KBTBD4: variants seen among roughly 807,000 people sequenced by gnomAD.
KBTBD4 encodes the protein kelch repeat and BTB domain containing 4.
Under a neutral mutation model 43.9 loss-of-function variants are expected in KBTBD4, and 30 were observed. The observed-to-expected ratio is 0.68, with a 90% CI of 0.51 to 0.93. The LOEUF is 0.93. Ranked by LOEUF, KBTBD4 falls within the 40% of genes least tolerant of loss-of-function variation. KBTBD4 has a pLI of 0.00. For synonymous variants in KBTBD4, 258 were observed against 256.9 expected (o/e 1.00, Z -0.04); for missense variants, 575 against 668.8 (o/e 0.86, Z 1.55).
At position 47,573,538 on chromosome 11, in the gene KBTBD4, C is replaced by T; in HGVS notation, c.997G>A (p.Asp333Asn). The T allele has an allele frequency of 6.2e-7, 1 of 1,614,196 alleles. No homozygotes were observed. The highest frequency in any genetic ancestry group is 1.1e-5 in the South Asian group (1 of 91,086). ...DWEWCAPLPRDRLQHTLVSVP... is the reference protein window; with the variant it reads ...DWEWCAPLPRNRLQHTLVSVP... Reference sequence around the variant, plus strand: ...GACACCAGGGTGTGCTGGAGCCGGTCCCGAGGCAAAGGAGCACACCACTCC... The same window carrying T: ...GACACCAGGGTGTGCTGGAGCCGGTTCCGAGGCAAAGGAGCACACCACTCC... The change falls in exon 4 of 4, where the codon GAC becomes AAC. Residue 333 changes from aspartate (D) to asparagine (N), a missense_variant. Transcript: ENST00000430070. The surrounding 1 kb of genome is among the most constrained non-coding windows in gnomAD (Gnocchi z 4.1).
At position 47,575,590 on chromosome 11, in the gene KBTBD4, T is replaced by C; in HGVS notation, c.744+3A>G. 1 of 1,591,498 alleles carries C rather than the reference T, an allele frequency of 6.3e-7. No homozygotes were observed. The highest frequency in any genetic ancestry group is 1.7e-5 in the Admixed American group (1 of 59,764). The stretch of plus-strand genomic sequence containing the variant: ...GTCTCAACAATTAAGAGATTTGCCT[T>C]ACCTTCAAGCTTGTCCTGAGTGACT... On this transcript the variant is annotated splice_donor_region_variant and intron_variant, in intron 3 of 3. Coordinates refer to ENST00000430070, the MANE Select transcript of KBTBD4 (RefSeq NM_018095.6).
rs1028635603 is a variant in KBTBD4 at position 47,572,311 on chromosome 11, C to G, written c.*619G>C. ...GATTGAAAAAGTTTCTGCTATTAAT[C>G]AGAAATAATCATTTCTATTTTCTGG... On this transcript the variant is annotated 3_prime_UTR_variant, in exon 4 of 4. Transcript: ENST00000430070. 6.5e-6 allele frequency: 1 copy of G among 152,836 alleles called. No homozygotes were observed. Among genetic ancestry groups the G allele is most frequent in the African/African-American group, 2.4e-5 (1 of 41,450 alleles). The allele number at this position is 152,836 out of a possible 1,614,324, so 9.5% of individuals were successfully genotyped here. A position where few individuals can be genotyped will look rare whatever the true frequency, so the allele number is the denominator to read the frequency against.
rs141789929 is a variant in KBTBD4, at chr11:47,577,138, T to TA, written c.637+272dup. On this transcript the variant is annotated intron_variant, in intron 2 of 3. Transcript: ENST00000430070. Reference sequence around the variant, plus strand: ...GGGACATACGAAGTACAGGATAAATTAGAGTATAATACAAATCACTCCTCA... The same window carrying TA: ...GGGACATACGAAGTACAGGATAAATTAAGAGTATAATACAAATCACTCCTCA... Among the ~76,000 whole-genome samples, 709 of 152,292 alleles carry TA rather than the reference T, an allele frequency of 4.7e-3. 11 individuals carry two copies. Among genetic ancestry groups the TA allele is most frequent in the African/African-American group, 0.016 (678 of 41,560 alleles).
At position 47,572,731 on chromosome 11, in the gene KBTBD4, G is replaced by A. The variant is rs2097251390; in HGVS notation, c.*199C>T. ...ATGGCAGAGAACAGGCTGGCCTACT[G>A]TCAGTTCAAGCAACCAGCTGAGCAG... On this transcript the variant is annotated 3_prime_UTR_variant, in exon 4 of 4. Coordinates refer to ENST00000430070, the MANE Select transcript of KBTBD4 (RefSeq NM_018095.6). 4.9e-6 allele frequency: 3 copies of A among 607,670 alleles called. No homozygotes were observed. The East Asian group carries it at 8.4e-5, about 17-fold the overall frequency. 37.6% of individuals were successfully genotyped at this position (607,670 alleles called of 1,614,324 possible).
Position 47,573,403 on chromosome 11 carries a change from T to C in KBTBD4, c.1132A>G (p.Thr378Ala). ...RVGDNVWTET[T>A]QLEVAVSGAA... The stretch of plus-strand genomic sequence containing the variant: ...CCTGACACAGCCACCTCTAGCTGAG[T>C]TGTCTCTGTCCACACATTATCACCT... The change falls in exon 4 of 4, where the codon ACT becomes GCT. Residue 378 changes from threonine to alanine, a missense_variant. Transcript: ENST00000430070. This position sits in a 1 kb window ranked among gnomAD's most constrained non-coding sequence, Gnocchi z 4.1. The C allele has an allele frequency of 1.2e-6, 2 of 1,614,094 alleles. No individual in the cohort carries two copies. Among genetic ancestry groups the C allele is most frequent in the Non-Finnish European group, 8.5e-7 (1 of 1,180,010 alleles).
chr11:47,575,794 C>T (rs1189164874), intron 2 of KBTBD4, 95 bp from the exon 3 acceptor site: 3 of 743,192 alleles, frequency 4.0e-6, no homozygotes, highest in African/African-American at 3.5e-5. Context: ...TATTAGACTA[C>T]TGCTGGGCAT....
At position 47,575,573 on chromosome 11, in the gene KBTBD4, A is replaced by C; in HGVS notation, c.744+20T>G. On this transcript the variant is annotated intron_variant, in intron 3 of 3. Transcript: ENST00000430070. Reference sequence around the variant, plus strand: ...TGCATGGAGAGTATGCAGTCTCAACAATTAAGAGATTTGCCTTACCTTCAA... The same window carrying C: ...TGCATGGAGAGTATGCAGTCTCAACCATTAAGAGATTTGCCTTACCTTCAA... 6.6e-7 allele frequency: 1 copy of C among 1,506,146 alleles called. No individual in the cohort carries two copies. Among genetic ancestry groups the C allele is most frequent in the Non-Finnish European group, 9.2e-7 (1 of 1,082,734 alleles). 93.3% of individuals were successfully genotyped at this position (1,506,146 alleles called of 1,614,324 possible).
rs146589294 is a variant in KBTBD4 at position 47,575,661 on chromosome 11, C to T, written c.676G>A (p.Glu226Lys). The change falls in exon 3 of 4, where the codon GAA (glutamate) becomes AAA (lysine). Residue 226 changes from glutamate (E) to lysine (K), a missense_variant. Glu to Lys is a moderately conservative substitution (Grantham distance 56). Transcript: ENST00000430070. Reference protein sequence around the residue: ...PCSQNPTEAIEAWINFNKEER... With the variant: ...PCSQNPTEAIKAWINFNKEER... ...TCTTTATTAAAGTTGATCCAGGCTT[C>T]TATTGCCTCTGTTGGGTTCTGAGAA... The T allele has an allele frequency of 2.8e-4, 447 of 1,613,602 alleles. 4 individuals are homozygous for T. The Admixed American group carries it at 6.8e-3, about 25-fold the overall frequency.
At chr11:47,574,506 C>CA (rs1555196762) in intron 3 of KBTBD4, among the ~76,000 whole-genome samples, 2 of 151,734 alleles carry the variant, frequency 1.3e-5, no homozygotes, top group African/African-American at 4.8e-5. Flanking sequence ...CAAAAACAAA[C>CA]AAACAAAACA....
At chr11:47,578,117 G>T in intron 1 of KBTBD4, 89 bp from the exon 2 acceptor site, 1 of 1,473,592 alleles carries the variant, frequency 6.8e-7, no homozygotes, top group Non-Finnish European at 9.2e-7. Context: ...GGAAAAGGAA[G>T]AAGTGAGAGC....
chr11:47,578,756 G>A, intron 1 of KBTBD4, 177 bp downstream of exon 1: 1 of 1,495,400 alleles, frequency 6.7e-7, no homozygotes, highest in Non-Finnish European at 8.9e-7. Context: ...CTCGTCAAAA[G>A]CTTGGCTCAG....
chr11:47,578,696 T>G (rs1326067786), intron 1 of KBTBD4: 1 of 1,225,328 alleles, frequency 8.2e-7, no homozygotes, highest in Admixed American at 2.4e-5. Flanking sequence ...TTGAGTCGTC[T>G]TGGAAACGGT....
At chr11:47,574,850 ATC>A (rs1000332324) in intron 3 of KBTBD4, among the ~76,000 whole-genome samples, 2 of 144,628 alleles carry the variant, frequency 1.4e-5, no homozygotes, top group African/African-American at 5.2e-5. Context: ...GCGAAACTCC[ATC>A]TCTCTCTCTC....
At chr11:47,574,354 G>A (rs1422704896) in intron 3 of KBTBD4, among the ~76,000 whole-genome samples, 4 of 152,046 alleles carry the variant, frequency 2.6e-5, no homozygotes, top group South Asian at 2.1e-4. Context: ...AAAATTAGCC[G>A]GGCGTGGTGG....
intron 1 of KBTBD4, chr11:47,578,505 A>G (rs940523845): frequency 1.6e-6 from 1 of 641,748 alleles, no homozygotes. Context: ...AAGACGCTCC[A>G]TATGAAGCCT....
In KBTBD4 at chr11:47,573,988, T is replaced by C. The variant is rs1380682782; in HGVS notation, c.745-198A>G. 6.6e-6 allele frequency among the ~76,000 whole-genome samples: 1 copy of C among 152,176 alleles called. No individual in the cohort carries two copies. The highest frequency in any genetic ancestry group is 2.4e-5 in the African/African-American group (1 of 41,446). On this transcript the variant is annotated intron_variant, in intron 3 of 3. Transcript: ENST00000430070. This position sits in a 1 kb window ranked among gnomAD's most constrained non-coding sequence, Gnocchi z 4.1. The stretch of plus-strand genomic sequence containing the variant: ...ATGCCGGGCGGAGAATCTGTTGTAT[T>C]CATCCTTGTAGCTTTTAAAAAACTC...
intron 1 of KBTBD4, chr11:47,578,575 C>T (rs2097264854): frequency 2.8e-6 from 2 of 704,438 alleles, no homozygotes; most frequent in Non-Finnish European, 2.6e-6. Context: ...CCCCACACTT[C>T]CCCGCTCGCT....
chr11:47,573,625 A>G lies in KBTBD4; in HGVS notation c.910T>C (p.Tyr304His), dbSNP rs776295137. The G allele has an allele frequency of 1.5e-5, 24 of 1,614,062 alleles. No homozygotes were observed. In the South Asian group the frequency reaches 2.5e-4, roughly 17 times the overall value. Residue 304 changes from tyrosine (Y) to histidine (H), a missense_variant, in exon 4 of 4, where the codon TAT becomes CAT. By Grantham distance (83) the Tyr-to-His change is moderately conservative. Coordinates refer to ENST00000430070, the MANE Select transcript of KBTBD4 (RefSeq NM_018095.6). The surrounding 1 kb of genome is among the most constrained non-coding windows in gnomAD (Gnocchi z 4.1). The part of the protein sequence containing the change: ...TAACKHGGDL[Y>H]VVGGSIPRRM... ...CGTGGGATGGACCCTCCCACCACAT[A>G]CAAGTCTCCACCATGCTTGCAGGCC...
chr11:47,573,100 C>T lies in KBTBD4; in HGVS notation c.1435G>A (p.Ala479Thr). 1 of 1,614,164 alleles carries T rather than the reference C, an allele frequency of 6.2e-7. No individual in the cohort carries two copies. The highest frequency in any genetic ancestry group is 1.1e-5 in the South Asian group (1 of 91,076). ...CTGGCAATCTTCCAGAGGGATGGGGCAGAGCTCCAGGCCTCAGGAAGGCAA... is the reference window on the plus strand; with the variant it reads ...CTGGCAATCTTCCAGAGGGATGGGGTAGAGCTCCAGGCCTCAGGAAGGCAA... ...RLCLPEAWSS[A>T]PSLWKIASCN... is the part of the protein sequence containing the mutation. The change falls in exon 4 of 4, where the codon GCC becomes ACC. Residue 479 changes from alanine to threonine, a missense_variant. By Grantham distance (58) the Ala-to-Thr change is moderately conservative. Transcript: ENST00000430070. The surrounding 1 kb of genome is among the most constrained non-coding windows in gnomAD (Gnocchi z 4.1).
Sources: gnomAD v4.1 joint callset for allele counts (sites outside exome capture counted in the v4.1 genomes callset) on GRCh38, gnomAD v4.1.1 for gene constraint, Gnocchi (gnomAD v3.1) non-coding constraint, MANE v1.5 for transcripts, NCBI Gene and HGNC (gene_info 2026-07-23, HGNC 2026-07-21) for gene names.